The following ZFHX3 variants were observed in gnomAD, a reference collection of about 807,000 sequenced individuals.
ZFHX3 encodes the protein zinc finger homeobox protein 3.
ZFHX3 carries 42 observed loss-of-function variants against 279.1 expected under a neutral mutation model. The ratio of observed to expected loss-of-function variants is 0.15; its 90% CI spans 0.12 to 0.19. The LOEUF (loss-of-function observed/expected upper bound fraction) is 0.19. ZFHX3 is among the 10% of genes least tolerant of loss of function. The pLI is 1.00. For synonymous variants in ZFHX3, 2,293 were observed against 1,957.8 expected (o/e 1.17, Z -4.52); for missense variants, 4,981 against 4,754.0 (o/e 1.05, Z -1.40).
chr16:72,821,464 C>T (rs902385626), intron 5 of ZFHX3, among the ~76,000 whole-genome samples: 1 of 152,188 alleles, frequency 6.6e-6, no homozygotes, highest in Non-Finnish European at 1.5e-5. Flanking sequence ...TCACTCACAG[C>T]GCTCCAAAGG....
At chr16:73,206,402 A>G (rs1226716066) in intron 5 of ZFHX3, among the ~76,000 whole-genome samples, 4 of 152,172 alleles carry the variant, frequency 2.6e-5, no homozygotes, top group Non-Finnish European at 5.9e-5. Context: ...CAACACAGGA[A>G]AACAGGGAGT....
intron 2 of ZFHX3, among the ~76,000 whole-genome samples, chr16:73,602,933 G>T: frequency 2.3e-5 from 1 of 43,290 alleles, no homozygotes. Context: ...GCGAGACTCT[G>T]ACTCAAAAAA....
chr16:73,302,630 A>G (rs1221791937), intron 4 of ZFHX3, among the ~76,000 whole-genome samples: 1 of 152,226 alleles, frequency 6.6e-6, no homozygotes, highest in African/African-American at 2.4e-5. Context: ...CTGGAGAAAA[A>G]GGAGGCTGTG....
intron 2 of ZFHX3, among the ~76,000 whole-genome samples, chr16:73,603,292 A>AAAAAGAAAGAAAAG (rs2052142663): frequency 6.6e-6 from 1 of 150,600 alleles, no homozygotes; most frequent in Admixed American, 6.6e-5. Flanking sequence ...CTCAAAAAAA[A>AAAAAGAAAGAAAAG]AAAAGAAAGA....
intron 2 of ZFHX3, among the ~76,000 whole-genome samples, chr16:73,674,076 C>G (rs1285605607): frequency 6.6e-6 from 1 of 152,146 alleles, no homozygotes; most frequent in Non-Finnish European, 1.5e-5. Flanking sequence ...AAAATGTACT[C>G]AACTCTAATT....
rs577101626 is a variant in ZFHX3 at position 73,462,804 on chromosome 16, G to A, written c.-1546-6546C>T. ...TGTATCATTCTCATTATATAATGTT[G>A]AATTCTATTTGCGAACACTTTGTTA... On this transcript the variant is annotated intron_variant, in intron 2 of 17. Transcript: ENST00000641206. 3.9e-5 allele frequency among the ~76,000 whole-genome samples: 6 copies of A among 152,126 alleles called. No homozygotes were observed. The East Asian group carries it at 1.2e-3, about 29-fold the overall frequency.
chr16:73,138,223 G>C (rs1300055510), intron 6 of ZFHX3, among the ~76,000 whole-genome samples: 1 of 152,150 alleles, frequency 6.6e-6, no homozygotes, highest in Non-Finnish European at 1.5e-5. Context: ...ATGAGAGTTT[G>C]TCTGAAGACA....
intron 4 of ZFHX3, among the ~76,000 whole-genome samples, chr16:72,865,559 C>T (rs1275343055): frequency 6.6e-6 from 1 of 152,212 alleles, no homozygotes; most frequent in Admixed American, 6.5e-5. Flanking sequence ...GGCACACTGA[C>T]AAGGAGTATG....
chr16:73,857,190 C>A (rs917582332), intron 1 of ZFHX3, among the ~76,000 whole-genome samples: 6 of 152,144 alleles, frequency 3.9e-5, no homozygotes, highest in African/African-American at 1.4e-4. Context: ...TCTCATAAAA[C>A]CAATTCAGCT....
chr16:73,358,802 A>G (rs2016387030), intron 3 of ZFHX3, among the ~76,000 whole-genome samples: 1 of 152,236 alleles, frequency 6.6e-6, no homozygotes, highest in Admixed American at 6.5e-5. Flanking sequence ...TCAGACCACC[A>G]GGATCTGAAT....
chr16:73,779,028 T>A (rs1258234021), intron 1 of ZFHX3, among the ~76,000 whole-genome samples: 1 of 152,186 alleles, frequency 6.6e-6, no homozygotes, highest in Non-Finnish European at 1.5e-5. Flanking sequence ...TAAGCCTGAG[T>A]GTCCCCAGCT....
At chr16:72,891,167 A>T (rs980747817) in intron 3 of ZFHX3, among the ~76,000 whole-genome samples, 2 of 152,212 alleles carry the variant, frequency 1.3e-5, no homozygotes, top group African/African-American at 4.8e-5. Context: ...TCAATATCTC[A>T]AAGTCCCCTG....
intron 2 of ZFHX3, among the ~76,000 whole-genome samples, chr16:73,578,006 G>A (rs892358279): frequency 9.9e-5 from 15 of 152,252 alleles, no homozygotes; most frequent in Admixed American, 6.5e-4. Flanking sequence ...CAATCACTCC[G>A]GCCAAACTGG....
intron 1 of ZFHX3, among the ~76,000 whole-genome samples, chr16:73,716,928 G>T (rs1463325558): frequency 3.3e-5 from 5 of 152,034 alleles, no homozygotes; most frequent in African/African-American, 7.2e-5. Context: ...CCATCATAAG[G>T]TTGGGGTAGG....
Position 73,860,924 on chromosome 16 carries a change from C to T in ZFHX3, c.-1608+30727G>A, listed in dbSNP as rs1412737523. ...ATATGGGGAGGGGAGGTAATATTCT[C>T]TTAGTTTACTTTGTGTAGGTTCTAT... On this transcript the variant is annotated intron_variant, in intron 1 of 17. Transcript: ENST00000641206. Among the ~76,000 whole-genome samples the T allele has an allele frequency of 2.0e-5, 3 of 151,890 alleles. No homozygotes were observed. The East Asian group carries it at 5.8e-4, about 29-fold the overall frequency.
chr16:72,941,253 A>G (rs1000631367), intron 3 of ZFHX3, among the ~76,000 whole-genome samples: 1 of 152,274 alleles, frequency 6.6e-6, no homozygotes, highest in African/African-American at 2.4e-5. Flanking sequence ...TTTACTTAAC[A>G]CACAAAATGT....
chr16:73,369,974 C>T (rs188345794), intron 3 of ZFHX3, among the ~76,000 whole-genome samples: 1 of 152,156 alleles, frequency 6.6e-6, no homozygotes, highest in African/African-American at 2.4e-5. Context: ...GGCTCCAGGA[C>T]ACACAAAAGA....
intron 2 of ZFHX3, among the ~76,000 whole-genome samples, chr16:73,580,046 T>G (rs1412040884): frequency 6.7e-6 from 1 of 149,920 alleles, no homozygotes; most frequent in Non-Finnish European, 1.5e-5. Context: ...TATAAAAAAT[T>G]TACCTGTTAT....
chr16:73,345,666 G>C (rs1354607593), intron 3 of ZFHX3, among the ~76,000 whole-genome samples: 2 of 152,114 alleles, frequency 1.3e-5, no homozygotes, highest in Non-Finnish European at 2.9e-5. Context: ...TTGATTCCAT[G>C]TCTTGGATAT....
Sources: allele counts gnomAD v4.1 joint callset (sites outside exome capture counted in the v4.1 genomes callset), GRCh38; gene constraint gnomAD v4.1.1; transcripts MANE v1.5; gene names NCBI Gene and HGNC (gene_info 2026-07-23, HGNC 2026-07-21).